Variants in HSF1 observed in about 807,000 individuals in gnomAD.
HSF1 encodes the protein heat shock transcription factor 1.
A neutral mutation model predicts 51.7 loss-of-function variants in HSF1; 32 were observed. The observed-to-expected ratio is 0.62, with a 90% CI of 0.47 to 0.83. The LOEUF (loss-of-function observed/expected upper bound fraction) is 0.83. HSF1 is among the 40% of genes least tolerant of loss of function. The pLI is 0.00. For synonymous variants in HSF1, 396 were observed against 309.7 expected, an observed-to-expected ratio of 1.28 and a Z score of -2.92; for missense variants, 727 against 717.0, an observed-to-expected ratio of 1.01 and a Z score of -0.16.
Position 144,311,720 on chromosome 8 carries a change from C to T in HSF1, c.744C>T (p.Ser248=). The T allele has an allele frequency of 6.2e-7, 1 of 1,611,666 alleles. No individual in the cohort carries two copies. The highest frequency in any genetic ancestry group is 8.5e-7 in the Non-Finnish European group (1 of 1,179,016). Residue 248 remains serine (S), a synonymous_variant, in exon 8 of 13, where the codon AGC becomes AGT. Coordinates refer to ENST00000528838, the MANE Select transcript of HSF1 (RefSeq NM_005526.4). ...TGCAGGCCCCCTCCCCAGCCTACAG[C>T]AGCTCCAGCCTCTACGCCCCTGATG... ...GPYSAPSPAY[S]SSSLYAPDAV... is the part of the protein sequence containing the mutation.
At chr8:144,312,821 C>A in intron 9 of HSF1, 2 of 978,908 alleles carry the variant, frequency 2.0e-6, no homozygotes, top group Admixed American at 2.0e-5. Context: ...CGGGCCTGGG[C>A]GGCAGCAGCC....
Position 144,291,960 on chromosome 8 carries a change from G to T in HSF1, c.117+86G>T. ...ACGGCGCGGGAGGGCTGCGGGGAGG[G>T]GCCCTGCCGCACTTCAGCTTACGCG... On this transcript the variant is annotated intron_variant, in intron 1 of 12. Transcript: ENST00000528838. The surrounding 1 kb of genome is among the most constrained non-coding windows in gnomAD (Gnocchi z 4.1). 1.5e-6 allele frequency: 1 copy of T among 649,480 alleles called. No individual in the cohort carries two copies. Among genetic ancestry groups the T allele is most frequent in the Non-Finnish European group, 2.3e-6 (1 of 432,570 alleles). 40.2% of individuals were successfully genotyped at this position (649,480 alleles called of 1,614,324 possible). A position where few individuals can be genotyped will look rare whatever the true frequency, so the allele number is the denominator to read the frequency against.
At chr8:144,301,178 G>A (rs555662470) in intron 1 of HSF1, among the ~76,000 whole-genome samples, 1 of 152,320 alleles carries the variant, frequency 6.6e-6, no homozygotes, top group African/African-American at 2.4e-5. Context: ...CAGCACTCTG[G>A]GAGGCTGACA....
Position 144,299,208 on chromosome 8 carries a change from G to A in HSF1, c.117+7334G>A, listed in dbSNP as rs7821512. On this transcript the variant is annotated intron_variant, in intron 1 of 12. Coordinates refer to ENST00000528838, the MANE Select transcript of HSF1 (RefSeq NM_005526.4). ...TGTAATCCCAGCACTTTGGGAGGCC[G>A]AAGCAGGCGGATTATCTGAGGTCAG... Among the ~76,000 whole-genome samples, 1,364 of 152,168 alleles carry A rather than the reference G, an allele frequency of 9.0e-3. 16 individuals carry two copies. The highest frequency in any genetic ancestry group is 0.03 in the African/African-American group (1,262 of 41,510).
rs2130487914 is a variant in HSF1, at chr8:144,314,061, C to T, written c.1384+7C>T. 6.2e-7 allele frequency: 1 copy of T among 1,609,070 alleles called. No individual in the cohort carries two copies. Among genetic ancestry groups the T allele is most frequent in the East Asian group, 2.2e-5 (1 of 44,642 alleles). On this transcript the variant is annotated splice_region_variant and intron_variant, in intron 12 of 12. Transcript: ENST00000528838. ...AACAGCAGCCCGGATTCAGGTGAGC[C>T]AAGTCCCACCGGCCCCACCTCTGCC...
chr8:144,313,660 G>GCGCCTCCCCGCCGCCCCGCACCGCCTCC, intron 10 of HSF1, 44 bp downstream of exon 10: 1 of 107,804 alleles, frequency 9.3e-6, no homozygotes, highest in East Asian at 2.2e-4. Flanking sequence ...CCGCCTCCCC[G>GCGCCTCCCCGCCGCCCCGCACCGCCTCC]CCGCGCCGCC....
chr8:144,292,475 G>C (rs1815159839), intron 1 of HSF1: 1 of 152,308 alleles, frequency 6.6e-6, no homozygotes, highest in African/African-American at 2.4e-5. Context: ...TCGTGTTTCT[G>C]TCTTCAGTTG....
rs1045143590 is a variant in HSF1, at chr8:144,307,991, T to A, written c.118-915T>A. Reference sequence around the variant, plus strand: ...CCTCCCTGACACGTGTACATCCCTGTGTATTTCACATCTCTCTATGCTGGA... The same window carrying A: ...CCTCCCTGACACGTGTACATCCCTGAGTATTTCACATCTCTCTATGCTGGA... On this transcript the variant is annotated intron_variant, in intron 1 of 12. Transcript: ENST00000528838. 6.6e-5 allele frequency among the ~76,000 whole-genome samples: 10 copies of A among 152,240 alleles called. 1 individual carries two copies. The highest frequency in any genetic ancestry group is 2.6e-4 in the Admixed American group (4 of 15,282).
intron 1 of HSF1, among the ~76,000 whole-genome samples, chr8:144,306,683 G>A (rs1399856543): frequency 2.0e-5 from 3 of 152,174 alleles, no homozygotes; most frequent in Admixed American, 6.5e-5. Flanking sequence ...AACTCTCATC[G>A]GTTGAGAGTG....
chr8:144,296,047 C>T (rs1815429342), intron 1 of HSF1, among the ~76,000 whole-genome samples: 1 of 152,100 alleles, frequency 6.6e-6, no homozygotes, highest in Non-Finnish European at 1.5e-5. Context: ...AGCTGGAGGT[C>T]ACCAAGGCCC....
In HSF1 at chr8:144,312,007, C is replaced by A. The variant is rs782156954; in HGVS notation, c.905C>A (p.Pro302His). The A allele has an allele frequency of 9.4e-6, 15 of 1,599,650 alleles. No individual in the cohort carries two copies. The highest frequency in any genetic ancestry group is 2.2e-5 in the East Asian group (1 of 44,524). The change falls in exon 9 of 13, where the codon CCC becomes CAC. Residue 302 changes from proline (P) to histidine (H), a missense_variant. By Grantham distance (77) the Pro-to-His change is moderately conservative. Transcript: ENST00000528838. ...SPLVRVKEEP[P>H]SPPQSPRVEE... ...CTGGTGCGTGTCAAGGAGGAGCCCC[C>A]CAGCCCGCCTCAGAGCCCCCGGGTA... is the stretch of plus-strand genomic sequence containing the variant.
chr8:144,313,353 C>T (rs921488771), intron 9 of HSF1, 158 bp from the exon 10 acceptor site: 1 of 591,588 alleles, frequency 1.7e-6, no homozygotes, highest in Non-Finnish European at 3.0e-6. Context: ...CCACTGCCTT[C>T]CAGGCCGTCC....
intron 9 of HSF1, 54 bp downstream of exon 9, chr8:144,312,298 G>A: frequency 7.7e-7 from 1 of 1,299,486 alleles, no homozygotes; most frequent in South Asian, 1.4e-5. Flanking sequence ...CACAGCCCTG[G>A]GCTTCAGCCC....
In HSF1 at chr8:144,291,685, C is replaced by T. The variant is rs1236485958; in HGVS notation, c.-73C>T. Reference sequence around the variant, plus strand: ...GGCGGCGCGGCCCGGAAGGCTGGCGCGGCGACGGCGTTAGCCCGGCCCTCG... The same window carrying T: ...GGCGGCGCGGCCCGGAAGGCTGGCGTGGCGACGGCGTTAGCCCGGCCCTCG... On this transcript the variant is annotated 5_prime_UTR_variant, in exon 1 of 13. Transcript: ENST00000528838. The surrounding 1 kb of genome is among the most constrained non-coding windows in gnomAD (Gnocchi z 4.1). 2.3e-6 allele frequency: 2 copies of T among 868,772 alleles called. No individual in the cohort carries two copies. Among genetic ancestry groups the T allele is most frequent in the African/African-American group, 1.8e-5 (1 of 54,638 alleles). The allele number at this position is 868,772 out of a possible 1,614,324, so 53.8% of individuals were successfully genotyped here.
intron 1 of HSF1, among the ~76,000 whole-genome samples, chr8:144,303,791 T>C (rs1564616138): frequency 6.6e-6 from 1 of 152,144 alleles, no homozygotes; most frequent in Non-Finnish European, 1.5e-5. Context: ...GGCAGGAGAA[T>C]TGCTTGAACC....
intron 2 of HSF1, 37 bp from the exon 3 acceptor site, chr8:144,309,418 C>G (rs1304402682): frequency 3.7e-6 from 6 of 1,612,116 alleles, no homozygotes; most frequent in Non-Finnish European, 5.1e-6. Flanking sequence ...CTGGTCCCGC[C>G]CTGAGGCAGA....
Position 144,311,187 on chromosome 8 carries a change from C to G in HSF1, c.502C>G (p.Leu168Val), listed in dbSNP as rs782386108. The G allele has an allele frequency of 1.9e-6, 3 of 1,600,000 alleles. No individual in the cohort carries two copies. The highest frequency in any genetic ancestry group is 2.6e-6 in the Non-Finnish European group (3 of 1,173,704). The change falls in exon 5 of 13, where the codon CTG becomes GTG. Residue 168 changes from leucine (L) to valine (V), a missense_variant. This residue lies in a region of HSF1 where 257 missense variants were observed against 318.3 expected (regional missense o/e 0.81). Coordinates refer to ENST00000528838, the MANE Select transcript of HSF1 (RefSeq NM_005526.4). ...GGTCTGTTGCAGTGAGAATGAGGCTCTGTGGCGGGAGGTGGCCAGCCTTCG... is the reference window on the plus strand; with the variant it reads ...GGTCTGTTGCAGTGAGAATGAGGCTGTGTGGCGGGAGGTGGCCAGCCTTCG... ...LLAMKHENEA[L>V]WREVASLRQK...
At chr8:144,299,636 G>C (rs907763315) in intron 1 of HSF1, among the ~76,000 whole-genome samples, 1 of 152,084 alleles carries the variant, frequency 6.6e-6, no homozygotes, top group Non-Finnish European at 1.5e-5. Context: ...AGGGCTGGGC[G>C]TGGTGGCTCA....
At chr8:144,292,187 C>T (rs1243521390) in intron 1 of HSF1, among the ~76,000 whole-genome samples, 1 of 152,240 alleles carries the variant, frequency 6.6e-6, no homozygotes, top group African/African-American at 2.4e-5. Flanking sequence ...GAAGTGTCCG[C>T]GCTTAGGGCA....
Sources: allele counts gnomAD v4.1 joint callset (sites outside exome capture counted in the v4.1 genomes callset), GRCh38; gene constraint gnomAD v4.1.1; regional missense constraint gnomAD v4.1.1; non-coding constraint Gnocchi (gnomAD v3.1); transcripts MANE v1.5; gene names NCBI Gene and HGNC (gene_info 2026-07-23, HGNC 2026-07-21).